Variants in DDX27 observed in about 807,000 individuals in gnomAD.
The protein encoded by DDX27 is probable ATP-dependent RNA helicase DDX27.
DDX27 carries 42 observed loss-of-function variants against 99.3 expected under a neutral mutation model. That is an observed-to-expected ratio of 0.42 (90% confidence interval 0.33 to 0.55). The LOEUF is 0.55. Ranked by LOEUF, DDX27 falls within the 20% of genes least tolerant of loss-of-function variation. The pLI, the probability that DDX27 is intolerant of heterozygous loss-of-function variation, is 0.07. For synonymous variants in DDX27, 329 were observed against 353.8 expected (o/e 0.93, Z 0.79); for missense variants, 798 against 976.8 (o/e 0.82, Z 2.44).
chr20:49,223,495 C>T (rs1979768452), intron 4 of DDX27, 62 bp downstream of exon 4: 4 of 1,481,202 alleles, frequency 2.7e-6, no homozygotes, highest in Non-Finnish European at 1.8e-6. Flanking sequence ...TCCTCCTTTA[C>T]TTTGTAGGGT....
At chr20:49,234,854 C>G in intron 11 of DDX27, 81 bp from the exon 12 acceptor site, 1 of 1,482,516 alleles carries the variant, frequency 6.7e-7, no homozygotes, top group Admixed American at 2.2e-5. Context: ...GCACAGTGAC[C>G]ATACTTTGTG....
chr20:49,242,091 A>G lies in DDX27; in HGVS notation c.2001A>G (p.Glu667=), dbSNP rs1438076188. The change falls in exon 18 of 21, where the codon GAA becomes GAG. Residue 667 remains glutamate, a synonymous_variant. Transcript: ENST00000618172. ...CTCCCCACTCCCCCTAGGCAGAGGA[A>G]AGGTCTCAGTTTGAAATCCTCAAGG... ...AKKKGEMTAE[E]RSQFEILKAQ... The G allele has an allele frequency of 2.5e-6, 4 of 1,614,232 alleles. No individual in the cohort carries two copies. In the East Asian group the frequency reaches 6.7e-5, roughly 27 times the overall value.
intron 2 of DDX27, among the ~76,000 whole-genome samples, chr20:49,222,090 A>G (rs1368728011): frequency 6.6e-6 from 1 of 152,062 alleles, no homozygotes; most frequent in African/African-American, 2.4e-5. Flanking sequence ...AGTTTAATCC[A>G]GGCTTTGCTG....
intron 7 of DDX27, 85 bp downstream of exon 7, chr20:49,226,620 CTAAA>C: frequency 1.2e-6 from 1 of 844,206 alleles, no homozygotes; most frequent in South Asian, 1.9e-5. Flanking sequence ...GGCTGGTTTG[CTAAA>C]TAAATATTCT....
intron 8 of DDX27, among the ~76,000 whole-genome samples, chr20:49,229,642 G>A (rs549073317): frequency 1.0e-3 from 139 of 139,664 alleles, no homozygotes; most frequent in Non-Finnish European, 1.6e-3. Flanking sequence ...GAATGTTTCA[G>A]GCATTCTCTT....
chr20:49,241,886 A>C lies in DDX27; in HGVS notation c.1898-7A>C. The C allele has an allele frequency of 1.2e-6, 2 of 1,614,050 alleles. No individual in the cohort carries two copies. The highest frequency in any genetic ancestry group is 1.7e-6 in the Non-Finnish European group (2 of 1,179,862). On this transcript the variant is annotated splice_polypyrimidine_tract_variant and splice_region_variant and intron_variant, in intron 16 of 20. Coordinates refer to ENST00000618172, the MANE Select transcript of DDX27 (RefSeq NM_017895.8). ...CCCTGAAATCTTATGCTTTCTTCTC[A>C]TCCCAGTTGCCAAAGCTCTGCAGGA...
intron 7 of DDX27, among the ~76,000 whole-genome samples, 200 bp from the exon 8 acceptor site, chr20:49,228,515 C>T (rs776138131): frequency 6.6e-6 from 1 of 152,160 alleles, no homozygotes; most frequent in Admixed American, 6.6e-5. Flanking sequence ...TCAGGTGATC[C>T]GCCTGCCTCG....
At chr20:49,225,243 TTG>T (rs748194422) in intron 6 of DDX27, 44 bp downstream of exon 6, 1 of 1,463,268 alleles carries the variant, frequency 6.8e-7, no homozygotes, top group Middle Eastern at 1.7e-4. Context: ...AAGCATGGTC[TTG>T]CTATGTTGTC....
At chr20:49,223,841 A>G in intron 4 of DDX27, among the ~76,000 whole-genome samples, 1 of 152,044 alleles carries the variant, frequency 6.6e-6, no homozygotes, top group African/African-American at 2.4e-5. Context: ...AGATTGTCCC[A>G]CTGAACTTAA....
chr20:49,226,931 C>T (rs887492830), intron 7 of DDX27, among the ~76,000 whole-genome samples: 5 of 118,756 alleles, frequency 4.2e-5, no homozygotes, highest in Non-Finnish European at 8.1e-5. Flanking sequence ...GGCGGGATCT[C>T]GGCTCACTGC....
At chr20:49,226,016 C>T (rs181905213) in intron 6 of DDX27, among the ~76,000 whole-genome samples, 33 of 152,234 alleles carry the variant, frequency 2.2e-4, no homozygotes, top group African/African-American at 7.9e-4. Flanking sequence ...CTGGAAAACT[C>T]TTCCAGAAAT....
chr20:49,236,618 C>T lies in DDX27; in HGVS notation c.1687+108C>T, dbSNP rs1980318925. 1.8e-6 allele frequency: 2 copies of T among 1,128,872 alleles called. No individual in the cohort carries two copies. The highest frequency in any genetic ancestry group is 2.4e-6 in the Non-Finnish European group (2 of 848,156). 69.9% of individuals were successfully genotyped at this position (1,128,872 alleles called of 1,614,324 possible). On this transcript the variant is annotated intron_variant, in intron 14 of 20. Coordinates refer to ENST00000618172, the MANE Select transcript of DDX27 (RefSeq NM_017895.8). The surrounding 1 kb of genome is among the most constrained non-coding windows in gnomAD (Gnocchi z 4.1). The stretch of plus-strand genomic sequence containing the variant: ...TGCAGTTCAGAGCCAGATTTGAATT[C>T]CAGCCCTGCTGCTTCCTTGCCGAGT...
At chr20:49,240,897 C>T (rs1980456571) in intron 16 of DDX27, among the ~76,000 whole-genome samples, 1 of 151,940 alleles carries the variant, frequency 6.6e-6, no homozygotes, top group Non-Finnish European at 1.5e-5. Context: ...TGCCTATAGT[C>T]CAACTACTTG....
intron 11 of DDX27, chr20:49,233,979 T>G: frequency 2.5e-6 from 1 of 394,854 alleles, no homozygotes; most frequent in Middle Eastern, 7.2e-4. Context: ...TCCAGACCAC[T>G]GTTCTCTGTC....
chr20:49,241,743 A>G, intron 16 of DDX27, 150 bp from the exon 17 acceptor site: 2 of 806,426 alleles, frequency 2.5e-6, no homozygotes, highest in South Asian at 3.4e-5. Flanking sequence ...TGCTGAGACT[A>G]CAGGCACGAG....
intron 1 of DDX27, 81 bp from the exon 2 acceptor site, chr20:49,221,352 TGCTGGGATTACAGGTGTGA>T: frequency 7.0e-7 from 1 of 1,424,692 alleles, no homozygotes; most frequent in Non-Finnish European, 9.7e-7. Context: ...CCTCCTAAAG[TGCTGGGATTACAGGTGTGA>T]GCCACTGTGC....
Position 49,236,448 on chromosome 20 carries a change from A to G in DDX27, c.1625A>G (p.Lys542Arg). The change falls in exon 14 of 21, where the codon AAG becomes AGG. Residue 542 changes from lysine to arginine, a missense_variant. By Grantham distance (26) the Lys-to-Arg change is conservative. Coordinates refer to ENST00000618172, the MANE Select transcript of DDX27 (RefSeq NM_017895.8). This position sits in a 1 kb window ranked among gnomAD's most constrained non-coding sequence, Gnocchi z 4.1. The part of the protein sequence containing the change: ...SVSLVGEDER[K>R]MLKEIVKAAK... ...TCTCTGGTGGGAGAAGATGAGCGGAAGATGCTGAAGGAGATTGTAAAAGCT... is the reference window on the plus strand; with the variant it reads ...TCTCTGGTGGGAGAAGATGAGCGGAGGATGCTGAAGGAGATTGTAAAAGCT... 4 of 1,613,026 alleles carry G rather than the reference A, an allele frequency of 2.5e-6. No homozygotes were observed. The highest frequency in any genetic ancestry group is 2.2e-5 in the South Asian group (2 of 90,758).
Position 49,225,435 on chromosome 20 carries a change from C to T in DDX27, c.600+236C>T, listed in dbSNP as rs576814601. 3.3e-5 allele frequency among the ~76,000 whole-genome samples: 5 copies of T among 149,346 alleles called. No individual in the cohort carries two copies. The South Asian group carries it at 1.1e-3, about 32-fold the overall frequency. ...TTGCCTCCCTCAACTCTTGTCCATA[C>T]AGTTGCCAGAGAACTCCCTTTTTTT... On this transcript the variant is annotated intron_variant, in intron 6 of 20. Transcript: ENST00000618172.
chr20:49,240,586 C>G (rs1347130467), intron 16 of DDX27, among the ~76,000 whole-genome samples: 1 of 152,168 alleles, frequency 6.6e-6, no homozygotes, highest in Non-Finnish European at 1.5e-5. Context: ...TGCCACCGCA[C>G]CTGGGTAATT....
Sources: allele counts gnomAD v4.1 joint callset (sites outside exome capture counted in the v4.1 genomes callset), GRCh38; gene constraint gnomAD v4.1.1; non-coding constraint Gnocchi (gnomAD v3.1); transcripts MANE v1.5; gene names NCBI Gene and HGNC (gene_info 2026-07-23, HGNC 2026-07-21).